Variants in FMN1 observed in about 807,000 individuals in gnomAD.
The protein encoded by FMN1 is formin 1.
Under a neutral mutation model 132.4 loss-of-function variants are expected in FMN1, and 110 were observed. The ratio of observed to expected loss-of-function variants is 0.83; its 90% CI spans 0.71 to 0.97. The LOEUF is 0.97. FMN1 is among the 50% of genes least tolerant of loss of function. FMN1 has a pLI of 0.00. For synonymous variants in FMN1, 722 were observed against 651.7 expected (o/e 1.11, Z -1.64); for missense variants, 1,792 against 1,705.3 (o/e 1.05, Z -0.90).
intron 4 of FMN1, among the ~76,000 whole-genome samples, chr15:33,128,550 C>G (rs146078089): frequency 7.6e-4 from 115 of 152,300 alleles, no homozygotes; most frequent in African/African-American, 2.4e-3. Context: ...AAACACATAC[C>G]GAGTCCGGAG....
At chr15:32,923,921 C>G (rs980055907) in intron 10 of FMN1, among the ~76,000 whole-genome samples, 17 of 151,602 alleles carry the variant, frequency 1.1e-4, no homozygotes, top group African/African-American at 3.9e-4. Context: ...TGAAATCAAG[C>G]ACACTTGAGT....
At position 33,091,930 on chromosome 15, in the gene FMN1, TG is replaced by T. The variant is rs571126255; in HGVS notation, c.1868-2957del. ...CTTTAGAGAATATTTTGTGAAAAAC[TG>T]AATCAGTCTTATCAGTTTAAACATG... On this transcript the variant is annotated intron_variant, in intron 4 of 20. Transcript: ENST00000616417. 3.1e-4 allele frequency among the ~76,000 whole-genome samples: 47 copies of T among 152,320 alleles called. No homozygotes were observed. In the South Asian group the frequency reaches 6.0e-3, roughly 19 times the overall value.
intron 16 of FMN1, among the ~76,000 whole-genome samples, chr15:32,858,150 G>A (rs897904599): frequency 1.3e-5 from 2 of 152,180 alleles, no homozygotes; most frequent in African/African-American, 4.8e-5. Flanking sequence ...AGGTATTTTG[G>A]AAGAAGGAGG....
chr15:32,789,947 C>A (rs1252183305), intron 19 of FMN1, among the ~76,000 whole-genome samples: 1 of 152,192 alleles, frequency 6.6e-6, no homozygotes, highest in Non-Finnish European at 1.5e-5. Flanking sequence ...GTAGGCTACA[C>A]CATCTAGGTT....
intron 7 of FMN1, among the ~76,000 whole-genome samples, chr15:32,986,616 G>A (rs545356617): frequency 2.0e-5 from 3 of 151,866 alleles, no homozygotes; most frequent in African/African-American, 4.8e-5. Flanking sequence ...AATAATAAAC[G>A]GAATTTGGCA....
intron 13 of FMN1, among the ~76,000 whole-genome samples, chr15:32,901,240 G>A (rs937482901): frequency 3.3e-5 from 5 of 152,162 alleles, no homozygotes; most frequent in African/African-American, 1.2e-4. Flanking sequence ...GGTATTATTA[G>A]TGCGTGTATA....
In FMN1 at chr15:32,769,082, G is replaced by C. The variant is rs1490866075; in HGVS notation, c.*5228C>G. Reference sequence around the variant, plus strand: ...AGTTCCACCAGACAGCAGACCTACTGAATGAGGCTTAATTTGCTTCCCTAA... The same window carrying C: ...AGTTCCACCAGACAGCAGACCTACTCAATGAGGCTTAATTTGCTTCCCTAA... On this transcript the variant is annotated 3_prime_UTR_variant, in exon 21 of 21. Coordinates refer to ENST00000616417, the MANE Select transcript of FMN1 (RefSeq NM_001277313.2). The C allele has an allele frequency of 5.3e-5, 8 of 152,202 alleles. No homozygotes were observed. The East Asian group carries it at 1.5e-3, about 29-fold the overall frequency. 9.4% of individuals were successfully genotyped at this position (152,202 alleles called of 1,614,324 possible).
In FMN1 at chr15:32,850,073, T is replaced by TA. The variant is rs536664161; in HGVS notation, c.3928+6941dup. Among the ~76,000 whole-genome samples, 278 of 152,354 alleles carry TA rather than the reference T, an allele frequency of 1.8e-3. 1 individual carries two copies. The highest frequency in any genetic ancestry group is 6.4e-3 in the African/African-American group (266 of 41,578). On this transcript the variant is annotated intron_variant, in intron 17 of 20. Coordinates refer to ENST00000616417, the MANE Select transcript of FMN1 (RefSeq NM_001277313.2). Reference sequence around the variant, plus strand: ...TGATCTTTGGAACCACGCCTGTCGGTATTTTCTTGAGTAGCAGTGGAGTAC... The same window carrying TA: ...TGATCTTTGGAACCACGCCTGTCGGTAATTTTCTTGAGTAGCAGTGGAGTAC...
chr15:33,082,020 G>GGTGTGTGTGT lies in FMN1; in HGVS notation c.2043+6769_2043+6778dup, dbSNP rs57369569. On this transcript the variant is annotated intron_variant, in intron 5 of 20. Coordinates refer to ENST00000616417, the MANE Select transcript of FMN1 (RefSeq NM_001277313.2). ...CCAGAATCAACAAGAAGAGTTCAGGGGTGTGTGTGTGTGTGTGTGTGTGTG... is the reference window on the plus strand; with the variant it reads ...CCAGAATCAACAAGAAGAGTTCAGGGGTGTGTGTGTGTGTGTGTGTGTGTGTGTGTGTGTG... Among the ~76,000 whole-genome samples, 595 of 117,808 alleles carry GGTGTGTGTGT rather than the reference G, an allele frequency of 5.1e-3. 10 individuals are homozygous for GGTGTGTGTGT. The highest frequency in any genetic ancestry group is 0.019 in the African/African-American group (565 of 29,426). 77.3% of individuals were successfully genotyped at this position (117,808 alleles called of 152,430 possible).
At chr15:33,024,223 A>ATTTTTTTTTTTTTTTTTTTTTTTTTT (rs555760509) in intron 6 of FMN1, among the ~76,000 whole-genome samples, 1 of 88,018 alleles carries the variant, frequency 1.1e-5, no homozygotes, top group Non-Finnish European at 2.1e-5. Context: ...CACCTATCAG[A>ATTTTTTTTTTTTTTTTTTTTTTTTTT]TTTTTTTTTT....
At chr15:33,005,624 C>T (rs1225453717) in intron 7 of FMN1, among the ~76,000 whole-genome samples, 3 of 151,540 alleles carry the variant, frequency 2.0e-5, no homozygotes, top group Non-Finnish European at 3.0e-5. Flanking sequence ...AAACTGTAAG[C>T]ATCTTCTGTT....
chr15:32,926,000 T>C (rs2060949934), intron 10 of FMN1, among the ~76,000 whole-genome samples, 174 bp downstream of exon 10: 1 of 152,216 alleles, frequency 6.6e-6, no homozygotes, highest in East Asian at 1.9e-4. Flanking sequence ...ACCTACTTGG[T>C]GAGAGGGGGG....
intron 9 of FMN1, among the ~76,000 whole-genome samples, chr15:32,941,031 C>G (rs937049969): frequency 7.9e-5 from 12 of 152,060 alleles, no homozygotes; most frequent in African/African-American, 2.9e-4. Context: ...AGCCCCGGCC[C>G]ACAGGTTAGT....
At chr15:32,837,017 G>T in intron 17 of FMN1, 2 of 230,424 alleles carry the variant, frequency 8.7e-6, no homozygotes, top group South Asian at 1.6e-4. Flanking sequence ...TCTCCTGGGA[G>T]ACACAGACCA....
In FMN1 at chr15:32,940,574, T is replaced by C. The variant is rs1017960087; in HGVS notation, c.3139-14313A>G. Among the ~76,000 whole-genome samples, 3 of 152,128 alleles carry C rather than the reference T, an allele frequency of 2.0e-5. No homozygotes were observed. The East Asian group carries it at 5.8e-4, about 29-fold the overall frequency. On this transcript the variant is annotated intron_variant, in intron 9 of 20. Transcript: ENST00000616417. ...CGATCCTTGAAAATGCCAAGACTCT[T>C]ATTTAAAAAGGGAGTTTGAAAAAGG...
chr15:33,115,638 T>A (rs945111548), intron 4 of FMN1, among the ~76,000 whole-genome samples: 3 of 152,072 alleles, frequency 2.0e-5, no homozygotes, highest in Middle Eastern at 3.2e-3. Context: ...AATCCAGCTG[T>A]GCACAGCACC....
intron 6 of FMN1, among the ~76,000 whole-genome samples, chr15:33,058,453 T>C (rs974053401): frequency 1.3e-5 from 2 of 152,236 alleles, no homozygotes; most frequent in African/African-American, 4.8e-5. Flanking sequence ...ACCATTTACA[T>C]GTACACCATG....
At chr15:33,084,057 C>T (rs1369939478) in intron 5 of FMN1, among the ~76,000 whole-genome samples, 1 of 152,206 alleles carries the variant, frequency 6.6e-6, no homozygotes, top group Non-Finnish European at 1.5e-5. Context: ...CTGCCCCTTT[C>T]CTGGAAAACT....
At chr15:32,891,892 G>A (rs1394827127) in intron 15 of FMN1, among the ~76,000 whole-genome samples, 1 of 152,068 alleles carries the variant, frequency 6.6e-6, no homozygotes, top group Non-Finnish European at 1.5e-5. Flanking sequence ...CTACTAATTT[G>A]TGTACATTAA....
Sources: allele counts gnomAD v4.1 joint callset (sites outside exome capture counted in the v4.1 genomes callset), GRCh38; gene constraint gnomAD v4.1.1; transcripts MANE v1.5; gene names NCBI Gene and HGNC (gene_info 2026-07-23, HGNC 2026-07-21).